PDE12: variants seen among roughly 807,000 people sequenced by gnomAD.
PDE12 encodes the protein phosphodiesterase 12.
PDE12 carries 26 observed loss-of-function variants against 45.4 expected under a neutral mutation model. The observed-to-expected ratio is 0.57, with a 90% CI of 0.42 to 0.79. PDE12 has a LOEUF of 0.79. Among genes scored for constraint, PDE12 ranks in the 30% least tolerant of loss-of-function variants. The pLI, the probability that PDE12 is intolerant of heterozygous loss-of-function variation, is 0.00. For synonymous variants in PDE12, 283 were observed against 323.9 expected (o/e 0.87, Z 1.36); for missense variants, 668 against 790.0 (o/e 0.85, Z 1.85).
chr3:57,640,087 G>A, the PDE12 span, among the ~76,000 whole-genome samples: 14 of 151,468 alleles, frequency 9.2e-5, no homozygotes, highest in African/African-American at 2.9e-4. Context: ...TGGCCAACAT[G>A]GTGAAACCCC....
the PDE12 span, chr3:57,584,445 G>A: frequency 2.5e-6 from 4 of 1,613,224 alleles, no homozygotes; most frequent in African/African-American, 1.3e-5. Context: ...TGGTTGTCTT[G>A]CCAGCAGCAT....
the PDE12 span, chr3:57,628,890 A>C: frequency 6.2e-7 from 1 of 1,610,182 alleles, no homozygotes; most frequent in African/African-American, 1.3e-5. Flanking sequence ...TAAGTCCTAG[A>C]ATAAATAAAG....
chr3:57,656,458 A>C, the PDE12 span, among the ~76,000 whole-genome samples: 1 of 152,070 alleles, frequency 6.6e-6, no homozygotes, highest in East Asian at 1.9e-4. Flanking sequence ...GTATAGTTTT[A>C]TACTGTTATG....
chr3:57,624,068 G>T, the PDE12 span, among the ~76,000 whole-genome samples: 1 of 152,080 alleles, frequency 6.6e-6, no homozygotes, highest in Non-Finnish European at 1.5e-5. Flanking sequence ...GCTCACTGCA[G>T]CCTCGAACTC....
chr3:57,584,455 T>C, the PDE12 span: 1 of 1,613,028 alleles, frequency 6.2e-7, no homozygotes. Context: ...GCCAGCAGCA[T>C]CCAATCCAAC....
chr3:57,601,245 A>G, the PDE12 span, among the ~76,000 whole-genome samples: 1 of 151,668 alleles, frequency 6.6e-6, no homozygotes, highest in Non-Finnish European at 1.5e-5. Flanking sequence ...GGGTAGCTGG[A>G]ATTACAGGCA....
chr3:57,574,387 A>G, the PDE12 span, among the ~76,000 whole-genome samples: 12 of 151,038 alleles, frequency 7.9e-5, no homozygotes, highest in African/African-American at 2.9e-4. Context: ...ATCAATGATA[A>G]GCAATTTTAG....
downstream of PDE12, among the ~76,000 whole-genome samples, chr3:57,570,376 C>CTTTTTTTT (rs1241352591): frequency 7.8e-6 from 1 of 128,920 alleles, no homozygotes; most frequent in African/African-American, 3.1e-5. Flanking sequence ...ACACCAGACC[C>CTTTTTTTT]TTTTTTTTTT....
chr3:57,622,902 T>C, the PDE12 span, among the ~76,000 whole-genome samples: 1 of 152,100 alleles, frequency 6.6e-6, no homozygotes, highest in African/African-American at 2.4e-5. Context: ...AAATACAAAC[T>C]ATAGTGACGG....
At chr3:57,612,698 G>A in the PDE12 span, among the ~76,000 whole-genome samples, 4 of 150,148 alleles carry the variant, frequency 2.7e-5, no homozygotes, top group Non-Finnish European at 5.9e-5. Flanking sequence ...TTGAACCGGG[G>A]AAGTGGAGGT....
At chr3:57,650,179 T>C in the PDE12 span, among the ~76,000 whole-genome samples, 9 of 151,918 alleles carry the variant, frequency 5.9e-5, no homozygotes, top group African/African-American at 2.2e-4. Context: ...AGACTACATA[T>C]TGGGTACAGT....
chr3:57,560,231 C>G lies in PDE12; in HGVS notation c.*227C>G, dbSNP rs1289202729. On this transcript the variant is annotated 3_prime_UTR_variant, in exon 3 of 3. Transcript: ENST00000311180. ...GGAGGAGAAACAAATATATTTCTTA[C>G]TAGCAAAATAGAAAATTGAATTATT... The G allele has an allele frequency of 8.0e-7, 1 of 1,242,894 alleles. No homozygotes were observed. The highest frequency in any genetic ancestry group is 1.5e-5 in the African/African-American group (1 of 64,604). The allele number at this position is 1,242,894 out of a possible 1,614,324, so 77.0% of individuals were successfully genotyped here. A position where few individuals can be genotyped will look rare whatever the true frequency, so the allele number is the denominator to read the frequency against.
the PDE12 span, among the ~76,000 whole-genome samples, chr3:57,632,951 TACATA>T: frequency 6.6e-6 from 1 of 152,340 alleles, no homozygotes; most frequent in East Asian, 1.9e-4. Flanking sequence ...ATGTAGTAAC[TACATA>T]ACATTTCATA....
In PDE12 at chr3:57,556,723, C is replaced by A; in HGVS notation, c.344C>A (p.Pro115Gln). 6.3e-7 allele frequency: 1 copy of A among 1,595,186 alleles called. No individual in the cohort carries two copies. Among genetic ancestry groups the A allele is most frequent in the Non-Finnish European group, 8.6e-7 (1 of 1,167,340 alleles). The change falls in exon 1 of 3, where the codon CCG becomes CAG. Residue 115 changes from proline (P) to glutamine (Q), a missense_variant. Coordinates refer to ENST00000311180, the MANE Select transcript of PDE12 (RefSeq NM_177966.7). The surrounding 1 kb of genome is among the most constrained non-coding windows in gnomAD (Gnocchi z 5.0). ...GAACSGPGPE[P>Q]AVFCEPVVKL... ...GCCTGTTCAGGGCCGGGGCCTGAGC[C>A]GGCTGTGTTCTGCGAGCCCGTGGTG...
At chr3:57,653,010 T>G in the PDE12 span, among the ~76,000 whole-genome samples, 2 of 152,222 alleles carry the variant, frequency 1.3e-5, no homozygotes, top group Non-Finnish European at 2.9e-5. Flanking sequence ...TTATCAATGT[T>G]GATTTTACCA....
chr3:57,573,939 T>G, the PDE12 span, among the ~76,000 whole-genome samples: 38 of 150,564 alleles, frequency 2.5e-4, no homozygotes, highest in African/African-American at 3.2e-4. Flanking sequence ...GGTTGTTTTT[T>G]TTTGTTTGTT....
the PDE12 span, among the ~76,000 whole-genome samples, chr3:57,581,730 G>A: frequency 9.2e-5 from 14 of 152,132 alleles, no homozygotes; most frequent in Non-Finnish European, 1.5e-4. Context: ...AACCCAGGAG[G>A]CAGAGGTTGC....
chr3:57,568,632 G>A (rs769009665), downstream of PDE12, among the ~76,000 whole-genome samples: 2 of 147,788 alleles, frequency 1.4e-5, no homozygotes, highest in African/African-American at 5.0e-5. Context: ...TATTTACCAG[G>A]TTGGTCTCAA....
At chr3:57,604,236 G>A in the PDE12 span, among the ~76,000 whole-genome samples, 17 of 151,978 alleles carry the variant, frequency 1.1e-4, no homozygotes, top group African/African-American at 4.1e-4. Context: ...TTTTTTTAAT[G>A]TATCACAGTT....
Sources: gnomAD v4.1 joint callset for allele counts (sites outside exome capture counted in the v4.1 genomes callset) on GRCh38, gnomAD v4.1.1 for gene constraint, Gnocchi (gnomAD v3.1) non-coding constraint, MANE v1.5 for transcripts, NCBI Gene and HGNC (gene_info 2026-07-23, HGNC 2026-07-21) for gene names.